The following LRR1 variants were observed in gnomAD, a reference collection of about 807,000 sequenced individuals.
The protein encoded by LRR1 is leucine rich repeat protein 1.
Under a neutral mutation model 31.6 loss-of-function variants are expected in LRR1, and 29 were observed. The observed-to-expected ratio is 0.92, with a 90% confidence interval of 0.68 to 1.25. The LOEUF is 1.25. LRR1 is among the 50% of genes most tolerant of loss of function. The pLI, the probability that LRR1 is intolerant of heterozygous loss-of-function variation, is 0.00. For missense variants in LRR1, 485 were observed against 487.2 expected (o/e 1.00, Z 0.04); for synonymous variants, 179 against 181.4 (o/e 0.99, Z 0.10).
At chr14:49,610,371 A>G (rs538280239) in intron 3 of LRR1, among the ~76,000 whole-genome samples, 104 of 151,456 alleles carry the variant, frequency 6.9e-4, no homozygotes, top group Non-Finnish European at 9.3e-4. Flanking sequence ...CTCCTGCCTC[A>G]GCCTCCCAAG....
At chr14:49,602,210 C>T (rs568456642) in intron 1 of LRR1, among the ~76,000 whole-genome samples, 160 bp from the exon 2 acceptor site, 4 of 119,880 alleles carry the variant, frequency 3.3e-5, no homozygotes, top group African/African-American at 9.8e-5. Flanking sequence ...AGTGCAGTGG[C>T]GTGATAAAAA....
At position 49,614,248 on chromosome 14, in the gene LRR1, T is replaced by G; in HGVS notation, c.1005-8T>G. The G allele has an allele frequency of 1.2e-6, 2 of 1,608,584 alleles. No individual in the cohort carries two copies. Among genetic ancestry groups the G allele is most frequent in the Non-Finnish European group, 1.7e-6 (2 of 1,177,844 alleles). ...GTTATAAAATATTTTTATCATTCTTTCCAATAGGATTCCATATGGCTCTCA... is the reference window on the plus strand; with the variant it reads ...GTTATAAAATATTTTTATCATTCTTGCCAATAGGATTCCATATGGCTCTCA... On this transcript the variant is annotated splice_region_variant and splice_polypyrimidine_tract_variant and intron_variant, in intron 3 of 3. Coordinates refer to ENST00000298288, the MANE Select transcript of LRR1 (RefSeq NM_152329.4).
intron 2 of LRR1, among the ~76,000 whole-genome samples, chr14:49,602,738 A>G (rs1160906166): frequency 6.6e-6 from 1 of 152,116 alleles, no homozygotes; most frequent in African/African-American, 2.4e-5. Flanking sequence ...GCCTCAAGCG[A>G]TCCTCTTGCC....
intron 1 of LRR1, chr14:49,599,989 G>A (rs1362435806): frequency 8.1e-6 from 13 of 1,600,478 alleles, no homozygotes; most frequent in Non-Finnish European, 1.1e-5. Flanking sequence ...GCCGGCAGCA[G>A]CATCATGGCT....
intron 2 of LRR1, chr14:49,603,473 A>T: frequency 2.8e-6 from 1 of 354,344 alleles, no homozygotes. Context: ...AAAAAATTCA[A>T]TTAGAACCAT....
intron 2 of LRR1, chr14:49,603,444 T>G: frequency 4.3e-6 from 1 of 234,724 alleles, no homozygotes; most frequent in Non-Finnish European, 7.3e-6. Flanking sequence ...CAAATCTAAG[T>G]TTGTTGTAAT....
intron 1 of LRR1, 33 bp downstream of exon 1, chr14:49,599,236 C>T (rs376229939): frequency 1.4e-5 from 22 of 1,550,248 alleles, no homozygotes; most frequent in Non-Finnish European, 1.7e-5. Flanking sequence ...GTCAGTCTCG[C>T]GTTCTTCTTG....
At position 49,599,575 on chromosome 14, in the gene LRR1, G is replaced by T. The variant is rs1038775030; in HGVS notation, c.183+372G>T. Among the ~76,000 whole-genome samples the T allele has an allele frequency of 5.3e-5, 8 of 152,308 alleles. No individual in the cohort carries two copies. The East Asian group carries it at 1.5e-3, about 29-fold the overall frequency. Reference sequence around the variant, plus strand: ...GTTGGGGAACAGTAAAATAACTGCAGTTCTGTTCAGTGAATTCTTTCTCCC... The same window carrying T: ...GTTGGGGAACAGTAAAATAACTGCATTTCTGTTCAGTGAATTCTTTCTCCC... On this transcript the variant is annotated intron_variant, in intron 1 of 3. Transcript: ENST00000298288.
At chr14:49,601,618 C>G in intron 1 of LRR1, 1 of 1,289,500 alleles carries the variant, frequency 7.8e-7, no homozygotes, top group East Asian at 5.6e-5. Flanking sequence ...GGAGGTGTGC[C>G]CACCCCAGGC....
At chr14:49,609,217 CTTTT>C (rs746422046) in intron 3 of LRR1, among the ~76,000 whole-genome samples, 5 of 76,906 alleles carry the variant, frequency 6.5e-5, no homozygotes, top group African/African-American at 2.2e-4. Flanking sequence ...ACACCTGGCC[CTTTT>C]TTTTTTTTTT....
chr14:49,600,087 G>T lies in LRR1; in HGVS notation c.183+884G>T, dbSNP rs540330926. On this transcript the variant is annotated intron_variant, in intron 1 of 3. Transcript: ENST00000298288. The stretch of plus-strand genomic sequence containing the variant: ...GTGCCTACTCATGAGCTGTGCCAAC[G>T]ACGCCTTCCCGGAGGAGTACGTGCC... 6 of 1,597,840 alleles carry T rather than the reference G, an allele frequency of 3.8e-6. No individual in the cohort carries two copies. In the East Asian group the frequency reaches 1.1e-4, roughly 30 times the overall value.
chr14:49,611,936 A>G (rs866358730), intron 3 of LRR1, among the ~76,000 whole-genome samples: 3 of 151,974 alleles, frequency 2.0e-5, no homozygotes, highest in African/African-American at 7.2e-5. Flanking sequence ...AAAAAAAAAA[A>G]AAAGAAAAGA....
chr14:49,602,919 T>A (rs982085251), intron 2 of LRR1, among the ~76,000 whole-genome samples: 4 of 152,030 alleles, frequency 2.6e-5, no homozygotes, highest in Admixed American at 2.0e-4. Flanking sequence ...CACTGCAACC[T>A]CCATCTCCCG....
intron 3 of LRR1, chr14:49,612,417 AGTTATGTCAGATAG>A: frequency 8.7e-7 from 1 of 1,149,254 alleles, no homozygotes. Context: ...TGGGAATTTA[AGTTATGTCAGATAG>A]AAAATACAGT....
intron 3 of LRR1, 131 bp downstream of exon 3, chr14:49,608,252 C>T: frequency 1.1e-6 from 1 of 946,474 alleles, no homozygotes. Flanking sequence ...TAATGGTCTT[C>T]TTGTTCCTTA....
chr14:49,603,372 TTGAC>T lies in LRR1; in HGVS notation c.282+907_282+910del, dbSNP rs367756933. ...TCAAGATGGAGCCCTAGGGTGTTCT[TTGAC>T]TGGAACTCTATAAGGCAACTGCACA... On this transcript the variant is annotated intron_variant, in intron 2 of 3. Transcript: ENST00000298288. Among the ~76,000 whole-genome samples, 22 of 152,250 alleles carry T rather than the reference TTGAC, an allele frequency of 1.4e-4. No individual in the cohort carries two copies. The East Asian group carries it at 2.7e-3, about 19-fold the overall frequency.
rs771415885 is a variant in LRR1, at chr14:49,607,920, T to C, written c.803T>C (p.Ile268Thr). ...GAATTGATTCAATTTCCTTGCAAGA[T>C]AGGACAACTAATAAACCTTCGCTTT... ...DNELIQFPCK[I>T]GQLINLRFLS... is the part of the protein sequence containing the mutation. The change falls in exon 3 of 4, where the codon ATA (isoleucine) becomes ACA (threonine). Residue 268 changes from isoleucine to threonine, a missense_variant. Coordinates refer to ENST00000298288, the MANE Select transcript of LRR1 (RefSeq NM_152329.4). The C allele has an allele frequency of 4.3e-6, 7 of 1,613,768 alleles. No individual in the cohort carries two copies. The highest frequency in any genetic ancestry group is 4.5e-5 in the East Asian group (2 of 44,902).
chr14:49,604,237 G>A lies in LRR1; in HGVS notation c.282+1769G>A, dbSNP rs115862676. On this transcript the variant is annotated intron_variant, in intron 2 of 3. Coordinates refer to ENST00000298288, the MANE Select transcript of LRR1 (RefSeq NM_152329.4). The stretch of plus-strand genomic sequence containing the variant: ...GGAGGATCACTTGAGCCTGGGAGGT[G>A]CAGGTTACAATGAGCCAAGATTGCA... Among the ~76,000 whole-genome samples, 599 of 151,972 alleles carry A rather than the reference G, an allele frequency of 3.9e-3. 1 individual carries two copies. The highest frequency in any genetic ancestry group is 0.014 in the African/African-American group (566 of 41,476).
chr14:49,609,466 G>T (rs1021241103), intron 3 of LRR1, among the ~76,000 whole-genome samples: 2 of 149,586 alleles, frequency 1.3e-5, no homozygotes, highest in Non-Finnish European at 3.0e-5. Flanking sequence ...GTGCAGTGGC[G>T]CCATCTCGGC....
Sources: gnomAD v4.1 joint callset for allele counts (sites outside exome capture counted in the v4.1 genomes callset) on GRCh38, gnomAD v4.1.1 for gene constraint, MANE v1.5 for transcripts, NCBI Gene and HGNC (gene_info 2026-07-23, HGNC 2026-07-21) for gene names.